The following NR3C1 variants were observed in gnomAD, a reference collection of about 807,000 sequenced individuals.
NR3C1 encodes the protein nuclear receptor subfamily 3 group C member 1.
NR3C1 carries 14 observed loss-of-function variants against 74.0 expected under a neutral mutation model. The observed-to-expected ratio is 0.19, with a 90% CI of 0.12 to 0.30. The LOEUF is 0.30. Ranked by LOEUF, NR3C1 falls within the 10% of genes least tolerant of loss-of-function variation. The probability of loss-of-function intolerance (pLI) is 1.00; values close to 1 mark genes in which losing one functional copy is unlikely to be tolerated. For missense variants in NR3C1, 695 were observed against 909.8 expected (o/e 0.76, Z 3.04); for synonymous variants, 308 against 332.5 (o/e 0.93, Z 0.80).
upstream of NR3C1, chr5:143,404,511 C>G (rs1315533057): frequency 2.6e-5 from 25 of 978,074 alleles, no homozygotes; most frequent in Non-Finnish European, 3.0e-5. Flanking sequence ...TCCCCCGCGC[C>G]CCGACCGTCC....
At position 143,331,079 on chromosome 5, in the gene NR3C1, C is replaced by G. The variant is rs148649847; in HGVS notation, c.1185-16911G>C. Among the ~76,000 whole-genome samples, 671 of 152,306 alleles carry G rather than the reference C, an allele frequency of 4.4e-3. 2 individuals are homozygous for G. Among genetic ancestry groups the G allele is most frequent in the African/African-American group, 0.015 (639 of 41,568 alleles). ...TACTACAAGGCTAAAGTAACCAAAA[C>G]AGCATGGTATTGGTACAAAACAGAC... On this transcript the variant is annotated intron_variant, in intron 2 of 8. Coordinates refer to ENST00000394464, the MANE Select transcript of NR3C1 (RefSeq NM_000176.3).
chr5:143,322,124 C>A (rs1823514030), intron 2 of NR3C1, among the ~76,000 whole-genome samples: 6 of 152,170 alleles, frequency 3.9e-5, no homozygotes, highest in Admixed American at 3.9e-4. Context: ...CAAGCTCTTT[C>A]TTTGTATAGA....
rs10482674 is a variant in NR3C1 at position 143,310,466 on chromosome 5, A to G, written c.1352-253T>C. Among the ~76,000 whole-genome samples the G allele has an allele frequency of 4.7e-3, 715 of 152,312 alleles. 4 individuals carry two copies. The highest frequency in any genetic ancestry group is 0.016 in the African/African-American group (682 of 41,562). ...TATTGCAGTATTCACATATAAAAAA[A>G]GTACACAAATCAGTGAACCATTTAA... On this transcript the variant is annotated intron_variant, in intron 3 of 8. Transcript: ENST00000394464.
intron 2 of NR3C1, among the ~76,000 whole-genome samples, chr5:143,338,273 ATGAC>A (rs902230687): frequency 6.6e-6 from 1 of 152,176 alleles, no homozygotes; most frequent in Non-Finnish European, 1.5e-5. Flanking sequence ...ATGATAATAA[ATGAC>A]TATGTTGGTG....
At chr5:143,362,877 G>A (rs963010010) in intron 2 of NR3C1, among the ~76,000 whole-genome samples, 1 of 152,160 alleles carries the variant, frequency 6.6e-6, no homozygotes, top group African/African-American at 2.4e-5. Context: ...TCTAAAGATT[G>A]AGAGGAAAAG....
At chr5:143,296,577 G>A (rs568096800) in intron 6 of NR3C1, among the ~76,000 whole-genome samples, 4 of 152,052 alleles carry the variant, frequency 2.6e-5, no homozygotes, top group African/African-American at 7.2e-5. Context: ...AAGTTATAGT[G>A]TAGTAGAATA....
chr5:143,326,321 A>T (rs1824595868), intron 2 of NR3C1, among the ~76,000 whole-genome samples: 1 of 152,196 alleles, frequency 6.6e-6, no homozygotes, highest in African/African-American at 2.4e-5. Context: ...ATCAAAGTTA[A>T]TTTCTGTTTT....
intron 2 of NR3C1, among the ~76,000 whole-genome samples, chr5:143,399,388 G>C (rs1215998734): frequency 6.6e-6 from 1 of 152,110 alleles, no homozygotes; most frequent in Non-Finnish European, 1.5e-5. Context: ...CTGTTAATGA[G>C]CAACATTATT....
chr5:143,295,268 C>T, intron 7 of NR3C1, 192 bp downstream of exon 7: 1 of 985,264 alleles, frequency 1.0e-6, no homozygotes, highest in East Asian at 1.1e-4. Context: ...TCTGCCATAC[C>T]TATTTGTCTT....
intron 7 of NR3C1, chr5:143,294,370 TA>T: frequency 1.1e-6 from 1 of 880,840 alleles, no homozygotes; most frequent in African/African-American, 1.8e-5. Flanking sequence ...GCCTAAGGTT[TA>T]TAATACCAAC....
intron 2 of NR3C1, among the ~76,000 whole-genome samples, chr5:143,366,852 G>A (rs969636201): frequency 3.3e-5 from 5 of 152,128 alleles, no homozygotes; most frequent in Non-Finnish European, 7.3e-5. Context: ...GGCTTCACTA[G>A]TGAATTTTAC....
intron 2 of NR3C1, among the ~76,000 whole-genome samples, chr5:143,348,791 A>G (rs1181015710): frequency 6.6e-6 from 1 of 152,160 alleles, no homozygotes; most frequent in Admixed American, 6.6e-5. Context: ...ATATATATTA[A>G]GTATGGTATC....
chr5:143,410,931 A>G (rs555321237), intron 1 of NR3C1, among the ~76,000 whole-genome samples: 1 of 152,332 alleles, frequency 6.6e-6, no homozygotes, highest in Admixed American at 6.5e-5. Context: ...AAATTTTCAG[A>G]GATTTTGTAA....
At chr5:143,282,772 CTTTTCTTT>C (rs2151476732) in intron 7 of NR3C1, 47 bp from the exon 8 acceptor site, 3 of 1,453,028 alleles carry the variant, frequency 2.1e-6, no homozygotes, top group East Asian at 4.8e-5. Context: ...TTTTTCTTTT[CTTTTCTTT>C]TTTTTTTTTT....
upstream of NR3C1, chr5:143,404,710 G>A: frequency 5.2e-6 from 1 of 191,314 alleles, no homozygotes; most frequent in South Asian, 1.8e-4. Context: ...GGAAAGCAGG[G>A]GGCGGCAGGC....
rs1390787238 is a variant in NR3C1, at chr5:143,324,595, C to T, written c.1185-10427G>A. Among the ~76,000 whole-genome samples the T allele has an allele frequency of 3.9e-5, 6 of 152,184 alleles. No individual in the cohort carries two copies. In the East Asian group the frequency reaches 1.2e-3, roughly 29 times the overall value. Reference sequence around the variant, plus strand: ...GCCATGGAGACATTTTCCCCATGGTCTTGGGGATTAACATTAGGCTCCTTG... The same window carrying T: ...GCCATGGAGACATTTTCCCCATGGTTTTGGGGATTAACATTAGGCTCCTTG... On this transcript the variant is annotated intron_variant, in intron 2 of 8. Transcript: ENST00000394464.
chr5:143,374,547 A>C (rs1007885251), intron 2 of NR3C1, among the ~76,000 whole-genome samples: 1 of 151,722 alleles, frequency 6.6e-6, no homozygotes, highest in Non-Finnish European at 1.5e-5. Context: ...TGATCATCCA[A>C]ATTTTCTAGA....
chr5:143,337,043 A>T (rs1314352056), intron 2 of NR3C1, among the ~76,000 whole-genome samples: 3 of 152,138 alleles, frequency 2.0e-5, no homozygotes, highest in Non-Finnish European at 4.4e-5. Flanking sequence ...GCACACACAC[A>T]TATATATCTC....
At chr5:143,282,077 A>G (rs776117550) in intron 8 of NR3C1, 36 bp from the exon 9 acceptor site, 8 of 1,612,334 alleles carry the variant, frequency 5.0e-6, no homozygotes, top group Non-Finnish European at 6.8e-6. Context: ...CAGGCTTCCA[A>G]ATTGGTCAGT....
Sources: allele counts gnomAD v4.1 joint callset (sites outside exome capture counted in the v4.1 genomes callset), GRCh38; gene constraint gnomAD v4.1.1; transcripts MANE v1.5; gene names NCBI Gene and HGNC (gene_info 2026-07-23, HGNC 2026-07-21).